The following GYS2 variants were observed in gnomAD, a reference collection of about 807,000 sequenced individuals.
GYS2 encodes the protein glycogen synthase 2.
Under a neutral mutation model 85.6 loss-of-function variants are expected in GYS2, and 80 were observed. The ratio of observed to expected loss-of-function variants is 0.93; its 90% CI spans 0.78 to 1.13. The LOEUF is 1.13. Ranked by LOEUF, GYS2 falls within the 50% of genes most tolerant of loss-of-function variation. GYS2 has a pLI of 0.00. For missense variants in GYS2, 881 were observed against 854.9 expected, an observed-to-expected ratio of 1.03 and a Z score of -0.38; for synonymous variants, 328 against 300.7, an observed-to-expected ratio of 1.09 and a Z score of -0.94.
Position 21,580,372 on chromosome 12 carries a change from T to C in GYS2, c.273A>G (p.Ala91=). The C allele has an allele frequency of 1.2e-6, 2 of 1,613,944 alleles. No individual in the cohort carries two copies. Among genetic ancestry groups the C allele is most frequent in the Non-Finnish European group, 1.7e-6 (2 of 1,179,922 alleles). ...CEPVNDAVRR[A]VDAMNKHGCQ... ...AGCCATGCTTATTCATTGCGTCCAC[T>C]GCTCTTCTGACAGCATCATTTACAG... The change falls in exon 2 of 16, where the codon GCA becomes GCG. Residue 91 remains alanine, a synonymous_variant. Transcript: ENST00000261195.
intron 12 of GYS2, among the ~76,000 whole-genome samples, chr12:21,543,150 A>G (rs548818809): frequency 1.3e-5 from 2 of 152,322 alleles, no homozygotes; most frequent in African/African-American, 4.8e-5. Context: ...TCTGTTTTCC[A>G]GGAAATAACT....
intron 3 of GYS2, 128 bp from the exon 4 acceptor site, chr12:21,574,454 A>T: frequency 1.4e-6 from 1 of 702,286 alleles, no homozygotes; most frequent in Non-Finnish European, 2.5e-6. Flanking sequence ...CGAAACATAA[A>T]GCATGAATAT....
chr12:21,565,060 G>C (rs944076308), intron 5 of GYS2, among the ~76,000 whole-genome samples: 7 of 151,650 alleles, frequency 4.6e-5, no homozygotes, highest in African/African-American at 1.7e-4. Flanking sequence ...TTTCCAAATT[G>C]TTTCACAAAC....
chr12:21,538,414 GC>G (rs1943934710), intron 15 of GYS2, among the ~76,000 whole-genome samples: 1 of 152,128 alleles, frequency 6.6e-6, no homozygotes, highest in Non-Finnish European at 1.5e-5. Flanking sequence ...ACTTGATAAG[GC>G]GCCAGAGTTT....
Position 21,574,153 on chromosome 12 carries a change from A to G in GYS2, c.669T>C (p.His223=). 4.3e-6 allele frequency: 7 copies of G among 1,609,924 alleles called. No homozygotes were observed. Among genetic ancestry groups the G allele is most frequent in the Non-Finnish European group, 6.0e-6 (7 of 1,176,142 alleles). ...LCAANIDFYN[H]LDKFNIDKEA... ...AGGAAGGAATATTTACCTTATCAAG[A>G]TGGTTGTAGAAATCAATATTTGCTG... Residue 223 remains histidine (H), a synonymous_variant, in exon 4 of 16, where the codon CAT becomes CAC. Coordinates refer to ENST00000261195, the MANE Select transcript of GYS2 (RefSeq NM_021957.4).
rs1043738141 is a variant in GYS2, at chr12:21,593,448, C to A, written c.121+11024G>T. ...AAAAGAAAATATATTACAACCGATA[C>A]CACAGAAATAGAAAAGATTATCAGA... On this transcript the variant is annotated intron_variant, in intron 1 of 15. Coordinates refer to ENST00000261195, the MANE Select transcript of GYS2 (RefSeq NM_021957.4). Among the ~76,000 whole-genome samples the A allele has an allele frequency of 2.0e-5, 3 of 151,746 alleles. No individual in the cohort carries two copies. In the East Asian group the frequency reaches 5.8e-4, roughly 29 times the overall value.
At chr12:21,544,448 T>C (rs73238703) in intron 12 of GYS2, among the ~76,000 whole-genome samples, 8,488 of 152,278 alleles carry the variant, frequency 0.056, 751 homozygotes, top group African/African-American at 0.18. Context: ...GTTAGTTCTA[T>C]AACATTTTCT....
intron 1 of GYS2, among the ~76,000 whole-genome samples, chr12:21,592,501 T>A (rs1165836838): frequency 1.3e-5 from 2 of 152,000 alleles, no homozygotes; most frequent in African/African-American, 4.8e-5. Flanking sequence ...GTTATACCTA[T>A]AACAGATAAA....
At chr12:21,575,654 C>T (rs1591800433) in intron 3 of GYS2, among the ~76,000 whole-genome samples, 1 of 152,138 alleles carries the variant, frequency 6.6e-6, no homozygotes, top group East Asian at 1.9e-4. Context: ...TTAAATTTGA[C>T]ATGAGGTAAA....
downstream of GYS2, among the ~76,000 whole-genome samples, chr12:21,535,276 T>C (rs1203406735): frequency 6.6e-6 from 1 of 152,100 alleles, no homozygotes; most frequent in Non-Finnish European, 1.5e-5. Flanking sequence ...CGAGTATCAT[T>C]TGAATAGACA....
chr12:21,562,721 A>G (rs1944269938), intron 7 of GYS2, among the ~76,000 whole-genome samples, 197 bp downstream of exon 7: 1 of 142,756 alleles, frequency 7.0e-6, no homozygotes, highest in Admixed American at 7.1e-5. Flanking sequence ...AAAAAAAAAA[A>G]GATGACATTA....
rs1030009356 is a variant in GYS2, at chr12:21,540,458, G to T, written c.1761C>A (p.Asn587Lys). 3 of 1,614,022 alleles carry T rather than the reference G, an allele frequency of 1.9e-6. No individual in the cohort carries two copies. The highest frequency in any genetic ancestry group is 2.2e-5 in the South Asian group (2 of 91,070). ...QSRRQRIIQR[N>K]RTERLSDLLD... is the part of the protein sequence containing the mutation. ...GAAGATCTGAGAGCCTCTCAGTTCTGTTCCTCTGGATAATCCTTTGGCGGC... is the reference window on the plus strand; with the variant it reads ...GAAGATCTGAGAGCCTCTCAGTTCTTTTCCTCTGGATAATCCTTTGGCGGC... The change falls in exon 14 of 16, where the codon AAC becomes AAA. Residue 587 changes from asparagine to lysine, a missense_variant. Coordinates refer to ENST00000261195, the MANE Select transcript of GYS2 (RefSeq NM_021957.4).
At chr12:21,603,393 G>A (rs1324432903) in intron 1 of GYS2, among the ~76,000 whole-genome samples, 1 of 151,970 alleles carries the variant, frequency 6.6e-6, no homozygotes, top group Non-Finnish European at 1.5e-5. Context: ...GTTAGTATAA[G>A]GTGAATTCTG....
chr12:21,554,804 T>C lies in GYS2; in HGVS notation c.1422+3396A>G, dbSNP rs1448047775. 2.0e-5 allele frequency among the ~76,000 whole-genome samples: 3 copies of C among 152,206 alleles called. No individual in the cohort carries two copies. In the East Asian group the frequency reaches 5.8e-4, roughly 29 times the overall value. ...CACAGAGGTATGTAAGTGTTACGTA[T>C]GTTTAGGAAATAAGGTACTTTTCCA... On this transcript the variant is annotated intron_variant, in intron 11 of 15. Coordinates refer to ENST00000261195, the MANE Select transcript of GYS2 (RefSeq NM_021957.4).
chr12:21,580,777 G>A (rs1001755371), intron 1 of GYS2, among the ~76,000 whole-genome samples: 5 of 152,134 alleles, frequency 3.3e-5, no homozygotes, highest in African/African-American at 7.2e-5. Flanking sequence ...GGCTGATGCC[G>A]CAAAGAGGTC....
chr12:21,542,551 A>T lies in GYS2; in HGVS notation c.1590T>A (p.Asn530Lys). Residue 530 changes from asparagine to lysine, a missense_variant, in exon 13 of 16, where the codon AAT (asparagine) becomes AAA (lysine). Coordinates refer to ENST00000261195, the MANE Select transcript of GYS2 (RefSeq NM_021957.4). ...GCATGAAACAGCCAAACCCGGAGAG[A>T]TTCGTGGTCACACTGGGGATACCCA... ...TVMGIPSVTT[N>K]LSGFGCFMQE... The T allele has an allele frequency of 6.2e-7, 1 of 1,613,784 alleles. No individual in the cohort carries two copies. Among genetic ancestry groups the T allele is most frequent in the Non-Finnish European group, 8.5e-7 (1 of 1,179,732 alleles).
intron 4 of GYS2, among the ~76,000 whole-genome samples, chr12:21,572,385 T>C (rs1944396846): frequency 6.6e-6 from 1 of 152,202 alleles, no homozygotes; most frequent in African/African-American, 2.4e-5. Context: ...TCCTGGTTCC[T>C]GCATCAAAGA....
intron 11 of GYS2, among the ~76,000 whole-genome samples, chr12:21,553,105 A>T (rs1944133486): frequency 6.6e-6 from 1 of 152,214 alleles, no homozygotes; most frequent in South Asian, 2.1e-4. Context: ...GCTAGAGTGC[A>T]GTGGCACATT....
At chr12:21,579,349 CTTTTTT>C (rs58750123) in intron 2 of GYS2, among the ~76,000 whole-genome samples, 1 of 88,726 alleles carries the variant, frequency 1.1e-5, no homozygotes, top group Non-Finnish European at 2.3e-5. Flanking sequence ...CTTACTTCTT[CTTTTTT>C]TTTTTTTTTT....
Sources: gnomAD v4.1 joint callset for allele counts (sites outside exome capture counted in the v4.1 genomes callset) on GRCh38, gnomAD v4.1.1 for gene constraint, MANE v1.5 for transcripts, NCBI Gene and HGNC (gene_info 2026-07-23, HGNC 2026-07-21) for gene names.